The following TIMM50 variants were observed in gnomAD, a reference collection of about 807,000 sequenced individuals.
TIMM50 encodes the protein translocase of inner mitochondrial membrane 50, also known as mitochondrial import inner membrane translocase subunit TIM50.
A neutral mutation model predicts 49.6 loss-of-function variants in TIMM50; 34 were observed. The ratio of observed to expected loss-of-function variants is 0.69; its 90% confidence interval spans 0.52 to 0.91. The LOEUF (loss-of-function observed/expected upper bound fraction) is 0.91, where lower values mean the gene tolerates loss of function less well. Among genes scored for constraint, TIMM50 ranks in the 40% least tolerant of loss-of-function variants. The probability of loss-of-function intolerance (pLI) is 0.00; values close to 1 mark genes in which losing one functional copy is unlikely to be tolerated. For missense variants in TIMM50, 458 were observed against 477.8 expected (o/e 0.96, Z 0.39); for synonymous variants, 199 against 198.4 (o/e 1.00, Z -0.03).
intron 6 of TIMM50, 148 bp from the exon 7 acceptor site, chr19:39,486,039 C>T (rs2079503300): frequency 9.3e-7 from 1 of 1,077,756 alleles, no homozygotes; most frequent in Non-Finnish European, 1.4e-6. Context: ...CCCGCAGTCA[C>T]AGCCTATGAA....
chr19:39,486,262 A>T lies in TIMM50; in HGVS notation c.568A>T (p.Ile190Phe). The change falls in exon 7 of 11, where the codon ATT becomes TTT. Residue 190 changes from isoleucine to phenylalanine, a missense_variant. Physicochemically the swap from Ile to Phe is conservative, Grantham distance 21 (BLOSUM62 0). Coordinates refer to ENST00000607714, the MANE Select transcript of TIMM50 (RefSeq NM_001001563.5). ...LFQQLAPLYE[I>F]VIFTSETGMT... ...CCAGCAGCTTGCCCCTTTATATGAA[A>T]TTGTCATCTTTACGTCAGAGACTGG... The T allele has an allele frequency of 6.2e-7, 1 of 1,613,988 alleles. No individual in the cohort carries two copies. The highest frequency in any genetic ancestry group is 2.2e-5 in the East Asian group (1 of 44,866).
In TIMM50 at chr19:39,486,420, T is replaced by C; in HGVS notation, c.621T>C (p.Ser207=). Residue 207 remains serine, a synonymous_variant, in exon 8 of 11, where the codon AGT becomes AGC. Coordinates refer to ENST00000607714, the MANE Select transcript of TIMM50 (RefSeq NM_001001563.5). ...AGACTGCGTTTCCACTCATTGATAG[T>C]GTGGACCCCCATGGCTTCATCTCCT... ...TGMTAFPLID[S]VDPHGFISYR... 1.2e-6 allele frequency: 2 copies of C among 1,614,064 alleles called. No homozygotes were observed. The highest frequency in any genetic ancestry group is 1.7e-6 in the Non-Finnish European group (2 of 1,179,978).
At chr19:39,487,191 A>T (rs533170470) in intron 8 of TIMM50, among the ~76,000 whole-genome samples, 15 of 152,254 alleles carry the variant, frequency 9.9e-5, no homozygotes, top group African/African-American at 3.4e-4. Flanking sequence ...CTCTCCAGGG[A>T]ACTTCCTAAT....
intron 3 of TIMM50, 28 bp downstream of exon 3, chr19:39,482,944 C>T (rs200860759): frequency 7.1e-4 from 1,149 of 1,614,100 alleles, no homozygotes; most frequent in Non-Finnish European, 9.4e-4. Flanking sequence ...CGAGGCCTTG[C>T]CAGGAGTCCT....
At chr19:39,489,149 C>A (rs2079527597) in intron 10 of TIMM50, among the ~76,000 whole-genome samples, 1 of 151,862 alleles carries the variant, frequency 6.6e-6, no homozygotes, top group African/African-American at 2.4e-5. Context: ...AGTTGGGAGC[C>A]CCTGAGTGCC....
intron 8 of TIMM50, 41 bp downstream of exon 8, chr19:39,486,536 G>A (rs773434594): frequency 1.3e-6 from 2 of 1,575,134 alleles, no homozygotes; most frequent in Non-Finnish European, 1.7e-6. Flanking sequence ...ATTTGGCGGA[G>A]TTGGCACCAC....
At chr19:39,486,586 T>G in intron 8 of TIMM50, 91 bp downstream of exon 8, 1 of 1,184,032 alleles carries the variant, frequency 8.4e-7, no homozygotes, top group Non-Finnish European at 1.2e-6. Context: ...TAGCCTCACC[T>G]GGCTTATGGT....
At position 39,487,845 on chromosome 19, in the gene TIMM50, G is replaced by A. The variant is rs184703876; in HGVS notation, c.697-216G>A. On this transcript the variant is annotated intron_variant, in intron 8 of 10. Coordinates refer to ENST00000607714, the MANE Select transcript of TIMM50 (RefSeq NM_001001563.5). ...GACCTCAGGTGATCCGCCCGCCTCG[G>A]CCTCCCAAAGTGCTGGGATTACAGG... Among the ~76,000 whole-genome samples, 262 of 152,256 alleles carry A rather than the reference G, an allele frequency of 1.7e-3. 1 individual carries two copies. The highest frequency in any genetic ancestry group is 6.1e-3 in the African/African-American group (252 of 41,544).
intron 1 of TIMM50, 22 bp from the exon 2 acceptor site, chr19:39,481,861 A>G: frequency 6.2e-7 from 1 of 1,605,786 alleles, no homozygotes; most frequent in Non-Finnish European, 8.5e-7. Flanking sequence ...CTCTTGGCTG[A>G]CCTCCCCTTT....
chr19:39,488,531 G>C lies in TIMM50; in HGVS notation c.854-8G>C, dbSNP rs1166132682. 18 of 1,611,436 alleles carry C rather than the reference G, an allele frequency of 1.1e-5. No individual in the cohort carries two copies. Among genetic ancestry groups the C allele is most frequent in the East Asian group, 6.7e-5 (3 of 44,892 alleles). On this transcript the variant is annotated splice_region_variant and splice_polypyrimidine_tract_variant and intron_variant, in intron 9 of 10. Coordinates refer to ENST00000607714, the MANE Select transcript of TIMM50 (RefSeq NM_001001563.5). The stretch of plus-strand genomic sequence containing the variant: ...AGCCTGGCTGACCACCCCCTGTTGT[G>C]CCCACAGCCATTGCACTGAATGGTG...
rs750446355 is a variant in TIMM50 at position 39,482,014 on chromosome 19, G to C, written c.240G>C (p.Val80=). The C allele has an allele frequency of 6.2e-6, 10 of 1,614,128 alleles. No individual in the cohort carries two copies. In the South Asian group the frequency reaches 9.9e-5, roughly 16 times the overall value. The part of the protein sequence containing the change: ...LAGLLGAGGT[V]SVVYIFGNNP... ...GGCTGCTTGGAGCTGGTGGGACTGT[G>C]AGCGTCGTCTATATCTTTGGTGAGG... Residue 80 remains valine, a synonymous_variant, in exon 2 of 11, where the codon GTG becomes GTC. Coordinates refer to ENST00000607714, the MANE Select transcript of TIMM50 (RefSeq NM_001001563.5).
In TIMM50 at chr19:39,492,881, A is replaced by AAAAAC. The variant is rs1555752625; in HGVS notation, c.*3065_*3066insCAAAA. On this transcript the variant is annotated 3_prime_UTR_variant, in exon 11 of 11. Coordinates refer to ENST00000607714, the MANE Select transcript of TIMM50 (RefSeq NM_001001563.5). ...GTAAGGCTCTGTCTCCAAAAAAAAAAAAAAAAAAAAACAAAAAAAAAACCA... is the reference window on the plus strand; with the variant it reads ...GTAAGGCTCTGTCTCCAAAAAAAAAAAAAACAAAAAAAAAAACAAAAAAAAAACCA... The AAAAAC allele has an allele frequency of 2.8e-5, 4 of 145,088 alleles. No individual in the cohort carries two copies. Among genetic ancestry groups the AAAAAC allele is most frequent in the African/African-American group, 1.1e-4 (4 of 37,102 alleles). The allele number at this position is 145,088 out of a possible 1,614,324, so 9.0% of individuals were successfully genotyped here.
chr19:39,481,518 T>G (rs2079471586), intron 1 of TIMM50, among the ~76,000 whole-genome samples: 2 of 152,166 alleles, frequency 1.3e-5, no homozygotes, highest in Non-Finnish European at 1.5e-5. Context: ...CTCCCGGTTC[T>G]GTCTGTACCC....
rs1311798705 is a variant in TIMM50 at position 39,490,035 on chromosome 19, G to A, written c.*215G>A. On this transcript the variant is annotated 3_prime_UTR_variant, in exon 11 of 11. Transcript: ENST00000607714. The stretch of plus-strand genomic sequence containing the variant: ...CTGCCAAGCACAGTGGGGGTGCTTT[G>A]TTGGATCAGAGCAGATTTTTCACCC... The A allele has an allele frequency of 8.7e-6, 5 of 573,580 alleles. No homozygotes were observed. The highest frequency in any genetic ancestry group is 1.6e-5 in the Non-Finnish European group (5 of 321,150). 35.5% of individuals were successfully genotyped at this position (573,580 alleles called of 1,614,324 possible).
At chr19:39,482,080 G>A (rs2146148422) in intron 2 of TIMM50, 47 bp downstream of exon 2, 1 of 1,594,324 alleles carries the variant, frequency 6.3e-7, no homozygotes, top group South Asian at 1.1e-5. Flanking sequence ...TGGCCTCCCT[G>A]GTCCACTGTG....
intron 2 of TIMM50, 90 bp downstream of exon 2, chr19:39,482,123 CTCG>C: frequency 1.3e-6 from 2 of 1,511,924 alleles, no homozygotes; most frequent in Non-Finnish European, 1.8e-6. Context: ...ACCAGCTTCT[CTCG>C]TCTTCATTCC....
At chr19:39,488,006 TTGA>T in intron 8 of TIMM50, 52 bp from the exon 9 acceptor site, 1 of 1,567,774 alleles carries the variant, frequency 6.4e-7, no homozygotes. Context: ...TTGGGTCTTC[TTGA>T]TGGGGGGAGA....
intron 6 of TIMM50, 98 bp downstream of exon 6, chr19:39,485,905 G>T: frequency 2.6e-6 from 4 of 1,531,738 alleles, no homozygotes; most frequent in Non-Finnish European, 3.5e-6. Context: ...TGATCTTGGG[G>T]AGGAGATGTC....
intron 4 of TIMM50, 77 bp downstream of exon 4, chr19:39,483,233 C>T (rs1218426324): frequency 1.1e-5 from 18 of 1,587,536 alleles, no homozygotes; most frequent in Admixed American, 3.4e-5. Context: ...CTCTCCCCAT[C>T]TGGTGTCTCC....
Sources: allele counts gnomAD v4.1 joint callset (sites outside exome capture counted in the v4.1 genomes callset), GRCh38; gene constraint gnomAD v4.1.1; transcripts MANE v1.5; gene names NCBI Gene and HGNC (gene_info 2026-07-23, HGNC 2026-07-21).